The following PHKG2 variants were observed in gnomAD, a reference collection of about 807,000 sequenced individuals.
The protein encoded by PHKG2 is phosphorylase kinase catalytic subunit gamma 2.
PHKG2 carries 28 observed loss-of-function variants against 44.5 expected under a neutral mutation model. The observed-to-expected ratio is 0.63, with a 90% CI of 0.47 to 0.86. The LOEUF (loss-of-function observed/expected upper bound fraction) is 0.86. Ranked by LOEUF, PHKG2 falls within the 40% of genes least tolerant of loss-of-function variation. The probability of loss-of-function intolerance (pLI) is 0.00; values close to 1 mark genes in which losing one functional copy is unlikely to be tolerated. For missense variants in PHKG2, 498 were observed against 547.5 expected (o/e 0.91, Z 0.90); for synonymous variants, 220 against 211.2 (o/e 1.04, Z -0.36).
Position 30,759,828 on chromosome 16 carries a change from C to T in PHKG2, c.*2731C>T. 2.0e-6 allele frequency: 3 copies of T among 1,496,598 alleles called. No individual in the cohort carries two copies. In the Admixed American group the frequency reaches 7.5e-5, roughly 38 times the overall value. 92.7% of individuals were successfully genotyped at this position (1,496,598 alleles called of 1,614,324 possible). A position where few individuals can be genotyped will look rare whatever the true frequency, so the allele number is the denominator to read the frequency against. On this transcript the variant is annotated 3_prime_UTR_variant, in exon 10 of 10. Transcript: ENST00000563588. ...CCATGAGCTTCAGAAGCAGACAGATCTGGGTTTCAGCACTGGCTTGTTTCC... is the reference window on the plus strand; with the variant it reads ...CCATGAGCTTCAGAAGCAGACAGATTTGGGTTTCAGCACTGGCTTGTTTCC...
chr16:30,757,881 T>C lies in PHKG2; in HGVS notation c.*784T>C, dbSNP rs2053485290. On this transcript the variant is annotated 3_prime_UTR_variant, in exon 10 of 10. Coordinates refer to ENST00000563588, the MANE Select transcript of PHKG2 (RefSeq NM_000294.3). The stretch of plus-strand genomic sequence containing the variant: ...CAAATTCTGATCCCTACTCAGTAGC[T>C]GTGTGACCTTAGGCAGGTTATTTAA... 7.8e-7 allele frequency: 1 copy of C among 1,277,348 alleles called. No homozygotes were observed. Among genetic ancestry groups the C allele is most frequent in the African/African-American group, 1.5e-5 (1 of 66,236 alleles). 79.1% of individuals were successfully genotyped at this position (1,277,348 alleles called of 1,614,324 possible). A position where few individuals can be genotyped will look rare whatever the true frequency, so the allele number is the denominator to read the frequency against.
At position 30,749,106 on chromosome 16, in the gene PHKG2, C is replaced by CTGCTGCTGCTGCTGCTGG. The variant is rs1567259550; in HGVS notation, c.95+196_95+197insCTGCTGCTGCTGGTGCTG. Among the ~76,000 whole-genome samples the CTGCTGCTGCTGCTGCTGG allele has an allele frequency of 1.2e-4, 6 of 50,530 alleles. 1 individual carries two copies. Among genetic ancestry groups the CTGCTGCTGCTGCTGCTGG allele is most frequent in the Admixed American group, 5.0e-4 (3 of 6,020 alleles). The allele number at this position is 50,530 out of a possible 152,430, so 33.1% of individuals were successfully genotyped here. On this transcript the variant is annotated intron_variant, in intron 2 of 9. Transcript: ENST00000563588. The stretch of plus-strand genomic sequence containing the variant: ...GGTGGTGGTGCTGCTGCTGCTGCTG[C>CTGCTGCTGCTGCTGCTGG]TGCTGGTGGTGCTGGTGCTGGTGGT...
intron 1 of PHKG2, 38 bp downstream of exon 1, chr16:30,748,528 C>G (rs889496273): frequency 3.9e-6 from 2 of 507,550 alleles, no homozygotes; most frequent in African/African-American, 4.0e-5. Flanking sequence ...TTCCTGCGCC[C>G]GCCCGAATGC....
In PHKG2 at chr16:30,759,149, C is replaced by G. The variant is rs368035673; in HGVS notation, c.*2052C>G. ...GACTGTGGCCCCAGGCCTGGCCCAGCCCAGCCCTGCCCTGGCACTCTCCCT... is the reference window on the plus strand; with the variant it reads ...GACTGTGGCCCCAGGCCTGGCCCAGGCCAGCCCTGCCCTGGCACTCTCCCT... On this transcript the variant is annotated 3_prime_UTR_variant, in exon 10 of 10. Transcript: ENST00000563588. The G allele has an allele frequency of 5.0e-6, 8 of 1,614,070 alleles. No homozygotes were observed. The highest frequency in any genetic ancestry group is 5.9e-6 in the Non-Finnish European group (7 of 1,180,050).
At chr16:30,751,309 G>A (rs1026029354) in intron 3 of PHKG2, 28 bp downstream of exon 3, 19 of 1,605,558 alleles carry the variant, frequency 1.2e-5, no homozygotes, top group Admixed American at 3.3e-5. Flanking sequence ...GCTCCTGTTA[G>A]CAGACGACCC....
Position 30,760,309 on chromosome 16 carries a change from G to C in PHKG2, c.*3212G>C. The C allele has an allele frequency of 6.2e-7, 1 of 1,614,184 alleles. No individual in the cohort carries two copies. Among genetic ancestry groups the C allele is most frequent in the Non-Finnish European group, 8.5e-7 (1 of 1,180,048 alleles). On this transcript the variant is annotated 3_prime_UTR_variant, in exon 10 of 10. Transcript: ENST00000563588. ...CAATACAAGCCTTGTGAAGATCCTG[G>C]AGCAGGGCACAAGCCGCTGACGTCT...
At chr16:30,748,778 C>CT (rs1567259163) in intron 1 of PHKG2, 25 bp from the exon 2 acceptor site, 1 of 1,467,242 alleles carries the variant, frequency 6.8e-7, no homozygotes. Context: ...CCTCCCTGCC[C>CT]TCACTGCCCT....
In PHKG2 at chr16:30,760,603, T is replaced by C; in HGVS notation, c.*3506T>C. On this transcript the variant is annotated 3_prime_UTR_variant, in exon 10 of 10. Transcript: ENST00000563588. Reference sequence around the variant, plus strand: ...CTCTTCCCACGCCCCCCTCAGTCCCTACTCCCTCATCTCAGCATTGGTGGT... The same window carrying C: ...CTCTTCCCACGCCCCCCTCAGTCCCCACTCCCTCATCTCAGCATTGGTGGT... The C allele has an allele frequency of 3.8e-6, 6 of 1,558,872 alleles. No individual in the cohort carries two copies. Among genetic ancestry groups the C allele is most frequent in the Non-Finnish European group, 5.2e-6 (6 of 1,150,608 alleles).
Position 30,756,708 on chromosome 16 carries a change from G to A in PHKG2, c.920G>A (p.Arg307Gln), listed in dbSNP as rs145390070. 6.3e-5 allele frequency: 101 copies of A among 1,613,976 alleles called. No individual in the cohort carries two copies. The highest frequency in any genetic ancestry group is 2.7e-4 in the Admixed American group (16 of 60,000). Residue 307 changes from arginine to glutamine, a missense_variant, in exon 9 of 10, where the codon CGG (arginine) becomes CAG (glutamine). Transcript: ENST00000563588. Reference protein sequence around the residue: ...SQPWNLTPRQRFRVAVWTVLA... With the variant: ...SQPWNLTPRQQFRVAVWTVLA... ...CCCTGGAACCTCACCCCCCGCCAGC[G>A]GTTCCGGGTAAGCCTGAGTGTATCA...
chr16:30,758,687 C>G lies in PHKG2; in HGVS notation c.*1590C>G. On this transcript the variant is annotated 3_prime_UTR_variant, in exon 10 of 10. Transcript: ENST00000563588. ...TCTCCTGCCTCAGCCTCCTGAGTAG[C>G]TGGGACTACAAGCGCGCACCACCAT... is the stretch of plus-strand genomic sequence containing the variant. 3.0e-6 allele frequency: 1 copy of G among 336,488 alleles called. No homozygotes were observed. The highest frequency in any genetic ancestry group is 5.6e-6 in the Non-Finnish European group (1 of 177,072). The allele number at this position is 336,488 out of a possible 1,614,324, so 20.8% of individuals were successfully genotyped here.
chr16:30,760,618 G>A lies in PHKG2; in HGVS notation c.*3521G>A. 1 of 1,557,714 alleles carries A rather than the reference G, an allele frequency of 6.4e-7. No individual in the cohort carries two copies. The highest frequency in any genetic ancestry group is 8.7e-7 in the Non-Finnish European group (1 of 1,149,932). ...CCTCAGTCCCTACTCCCTCATCTCA[G>A]CATTGGTGGTCTTCTCCAGCTGGTG... is the stretch of plus-strand genomic sequence containing the variant. On this transcript the variant is annotated 3_prime_UTR_variant, in exon 10 of 10. Transcript: ENST00000563588.
Position 30,758,072 on chromosome 16 carries a change from CTTTT to C in PHKG2, c.*989_*992del, listed in dbSNP as rs374158229. ...TGGCTGTTATTGTCATTGGCTTTCT[CTTTT>C]TTTTTTTTTTTTTGAGATGGAGTCT... On this transcript the variant is annotated 3_prime_UTR_variant, in exon 10 of 10. Coordinates refer to ENST00000563588, the MANE Select transcript of PHKG2 (RefSeq NM_000294.3). The C allele has an allele frequency of 9.3e-5, 13 of 140,206 alleles. No individual in the cohort carries two copies. Among genetic ancestry groups the C allele is most frequent in the Non-Finnish European group, 6.2e-5 (4 of 64,166 alleles). The allele number at this position is 140,206 out of a possible 1,614,324, so 8.7% of individuals were successfully genotyped here.
At position 30,760,915 on chromosome 16, in the gene PHKG2, C is replaced by T. The variant is rs2053727454; in HGVS notation, c.*3818C>T. On this transcript the variant is annotated 3_prime_UTR_variant, in exon 10 of 10. Transcript: ENST00000563588. ...CTGCTCTGCCACTACCTTGTATGAC[C>T]TTGGTCAAGTACTCCCTGTGGCCCT... 3 of 614,064 alleles carry T rather than the reference C, an allele frequency of 4.9e-6. No homozygotes were observed. Among genetic ancestry groups the T allele is most frequent in the Admixed American group, 5.7e-5 (2 of 35,106 alleles). 38.0% of individuals were successfully genotyped at this position (614,064 alleles called of 1,614,324 possible).
Position 30,749,100 on chromosome 16 carries a change from CTGCTGCTGCTGG to C in PHKG2, c.95+188_95+199del, listed in dbSNP as rs1396596696. 3.3e-4 allele frequency among the ~76,000 whole-genome samples: 7 copies of C among 21,312 alleles called. 1 individual carries two copies. Among genetic ancestry groups the C allele is most frequent in the East Asian group, 1.6e-3 (1 of 628 alleles). The allele number at this position is 21,312 out of a possible 152,430, so 14.0% of individuals were successfully genotyped here. A position where few individuals can be genotyped will look rare whatever the true frequency, so the allele number is the denominator to read the frequency against. ...GGTGGTGGTGGTGGTGCTGCTGCTG[CTGCTGCTGCTGG>C]TGGTGCTGGTGCTGGTGGTGGTGGT... On this transcript the variant is annotated intron_variant, in intron 2 of 9. Transcript: ENST00000563588.
chr16:30,760,214 C>T lies in PHKG2; in HGVS notation c.*3117C>T. 1 of 1,612,062 alleles carries T rather than the reference C, an allele frequency of 6.2e-7. No homozygotes were observed. Among genetic ancestry groups the T allele is most frequent in the South Asian group, 1.1e-5 (1 of 91,074 alleles). On this transcript the variant is annotated 3_prime_UTR_variant, in exon 10 of 10. Coordinates refer to ENST00000563588, the MANE Select transcript of PHKG2 (RefSeq NM_000294.3). ...GCAGAAATCCCCTGCTTCTGCTTCC[C>T]ATGGTCACTTGTGCCAGGCCCGGTT...
In PHKG2 at chr16:30,760,521, T is replaced by G. The variant is rs2053685980; in HGVS notation, c.*3424T>G. On this transcript the variant is annotated 3_prime_UTR_variant, in exon 10 of 10. Coordinates refer to ENST00000563588, the MANE Select transcript of PHKG2 (RefSeq NM_000294.3). The stretch of plus-strand genomic sequence containing the variant: ...CATCACCCTACACCCACCACATGCT[T>G]TGGAGTCAGCCATTCCTCATGTTTT... The G allele has an allele frequency of 6.2e-7, 1 of 1,609,262 alleles. No homozygotes were observed. The highest frequency in any genetic ancestry group is 1.3e-5 in the African/African-American group (1 of 74,736).
At chr16:30,751,044 C>T in intron 2 of PHKG2, 62 bp from the exon 3 acceptor site, 1 of 1,560,272 alleles carries the variant, frequency 6.4e-7, no homozygotes, top group South Asian at 1.1e-5. Context: ...TGCTGAGGCC[C>T]CAGCCTGTGC....
chr16:30,756,484 C>G lies in PHKG2; in HGVS notation c.765C>G (p.Pro255=). The part of the protein sequence containing the change: ...IMEGQYQFSS[P]EWDDRSSTVK... ...AGGGCCAGTACCAGTTCAGTTCCCC[C>G]GAGTGGGATGACCGTTCCAGCACTG... Residue 255 remains proline, a synonymous_variant, in exon 8 of 10, where the codon CCC becomes CCG. Coordinates refer to ENST00000563588, the MANE Select transcript of PHKG2 (RefSeq NM_000294.3). 1 of 1,613,474 alleles carries G rather than the reference C, an allele frequency of 6.2e-7. No homozygotes were observed. The highest frequency in any genetic ancestry group is 8.5e-7 in the Non-Finnish European group (1 of 1,180,012).
In PHKG2 at chr16:30,756,609, T is replaced by C; in HGVS notation, c.821T>C (p.Val274Ala). ...TCCTAGATCTCCAGGCTGCTGCAGG[T>C]GGATCCTGAGGCACGCCTGACAGCT... ...VKDLISRLLQ[V>A]DPEARLTAEQ... Residue 274 changes from valine (V) to alanine (A), a missense_variant, in exon 9 of 10, where the codon GTG becomes GCG. Transcript: ENST00000563588. 6.2e-7 allele frequency: 1 copy of C among 1,613,876 alleles called. No individual in the cohort carries two copies. The highest frequency in any genetic ancestry group is 2.2e-5 in the East Asian group (1 of 44,880).
Sources: allele counts gnomAD v4.1 joint callset (sites outside exome capture counted in the v4.1 genomes callset), GRCh38; gene constraint gnomAD v4.1.1; transcripts MANE v1.5; gene names NCBI Gene and HGNC (gene_info 2026-07-23, HGNC 2026-07-21).